Variants in ARMC2 observed in about 807,000 individuals in gnomAD.
ARMC2 encodes armadillo repeat containing 2.
Under a neutral mutation model 90.3 loss-of-function variants are expected in ARMC2, and 67 were observed. The ratio of observed to expected loss-of-function variants is 0.74; its 90% CI spans 0.61 to 0.91. The LOEUF is 0.91. Among genes scored for constraint, ARMC2 ranks in the 40% least tolerant of loss-of-function variants. The probability of loss-of-function intolerance (pLI) is 0.00; values close to 1 mark genes in which losing one functional copy is unlikely to be tolerated. For synonymous variants in ARMC2, 393 were observed against 393.0 expected (o/e 1.00, Z 0.00); for missense variants, 920 against 1,030.9 (o/e 0.89, Z 1.47).
the ARMC2 span, chr6:108,994,698 C>CAT: frequency 2.4e-5 from 7 of 292,740 alleles, no homozygotes; most frequent in Non-Finnish European, 3.9e-5. Flanking sequence ...GAATTTATAT[C>CAT]TTTTTTTTTT....
intron 3 of ARMC2, among the ~76,000 whole-genome samples, chr6:108,862,509 T>A (rs2128422515): frequency 6.6e-6 from 1 of 152,262 alleles, no homozygotes; most frequent in South Asian, 2.1e-4. Flanking sequence ...TAAATAGTAA[T>A]TAAAATTTGG....
chr6:109,025,006 C>T, the ARMC2 span, among the ~76,000 whole-genome samples: 1 of 152,064 alleles, frequency 6.6e-6, no homozygotes, highest in Non-Finnish European at 1.5e-5. Context: ...AGACAGTGAG[C>T]ACTAAGGCTG....
intron 11 of ARMC2, 103 bp from the exon 12 acceptor site, chr6:108,936,797 T>C: frequency 1.1e-6 from 1 of 929,986 alleles, no homozygotes; most frequent in Non-Finnish European, 1.6e-6. Context: ...TTTCTTGAAC[T>C]GGGCAATGTT....
Position 108,971,369 on chromosome 6 carries a change from A to G in ARMC2, c.2447-1988A>G, listed in dbSNP as rs1778753415. On this transcript the variant is annotated intron_variant, in intron 17 of 17. Transcript: ENST00000392644. ...GGTGGGGAGATCCAGGTTTGCTTAC[A>G]GGGTCTCCATGGAGCTCCTTGCCGA... 2.0e-5 allele frequency among the ~76,000 whole-genome samples: 3 copies of G among 152,146 alleles called. No individual in the cohort carries two copies. In the East Asian group the frequency reaches 5.8e-4, roughly 29 times the overall value.
At position 108,953,049 on chromosome 6, in the gene ARMC2, T is replaced by C; in HGVS notation, c.1613T>C (p.Val538Ala). The C allele has an allele frequency of 6.2e-7, 1 of 1,611,014 alleles. No homozygotes were observed. Among genetic ancestry groups the C allele is most frequent in the Non-Finnish European group, 8.5e-7 (1 of 1,178,438 alleles). ...YQKKQDLVVR[V>A]VFILGNLTAK... ...TTATTGCAGGATTTAGTCGTCCGTGTTGTTTTTATTCTTGGCAACCTGACG... is the reference window on the plus strand; with the variant it reads ...TTATTGCAGGATTTAGTCGTCCGTGCTGTTTTTATTCTTGGCAACCTGACG... Residue 538 changes from valine to alanine, a missense_variant, in exon 13 of 18, where the codon GTT (valine) becomes GCT (alanine). Val to Ala is a moderately conservative substitution (Grantham distance 64, BLOSUM62 0). Transcript: ENST00000392644.
chr6:109,034,487 A>G, the ARMC2 span, among the ~76,000 whole-genome samples: 5 of 152,314 alleles, frequency 3.3e-5, no homozygotes, highest in South Asian at 1.0e-3. Flanking sequence ...TTTTCAAGAA[A>G]ATTTACTGAT....
the ARMC2 span, among the ~76,000 whole-genome samples, chr6:109,012,852 C>T: frequency 3.9e-5 from 6 of 152,094 alleles, no homozygotes; most frequent in East Asian, 1.9e-4. Context: ...TGGTGGCTTA[C>T]GCCTGTAATT....
At chr6:109,022,510 C>T in the ARMC2 span, among the ~76,000 whole-genome samples, 1 of 145,898 alleles carries the variant, frequency 6.9e-6, no homozygotes, top group Non-Finnish European at 1.5e-5. Context: ...GCAAGCTCCA[C>T]CTCCCGGGTT....
chr6:108,866,648 T>C (rs538017410), intron 3 of ARMC2, among the ~76,000 whole-genome samples: 2 of 152,290 alleles, frequency 1.3e-5, no homozygotes, highest in East Asian at 3.9e-4. Flanking sequence ...GCTGGGCAGT[T>C]TCAGAGAAGT....
chr6:108,916,915 G>A (rs1043155099), intron 10 of ARMC2, among the ~76,000 whole-genome samples: 2 of 152,078 alleles, frequency 1.3e-5, no homozygotes, highest in Non-Finnish European at 2.9e-5. Context: ...AAATTCTCCC[G>A]GTGTCTCCTT....
the ARMC2 span, among the ~76,000 whole-genome samples, chr6:109,027,696 G>GC: frequency 6.6e-6 from 1 of 152,018 alleles, no homozygotes; most frequent in Admixed American, 6.5e-5. Context: ...GACCAGGGAG[G>GC]CTCCTAACTA....
intron 10 of ARMC2, among the ~76,000 whole-genome samples, chr6:108,916,482 C>G (rs1773984494): frequency 2.0e-5 from 3 of 152,160 alleles, no homozygotes. Flanking sequence ...GTGAATAGCC[C>G]CAGGCTGGCA....
chr6:108,917,988 G>A (rs1774145098), intron 10 of ARMC2, among the ~76,000 whole-genome samples: 1 of 152,110 alleles, frequency 6.6e-6, no homozygotes, highest in Non-Finnish European at 1.5e-5. Context: ...GCCGAAATTA[G>A]CTTGAATATA....
At chr6:109,011,201 A>G in the ARMC2 span, among the ~76,000 whole-genome samples, 2 of 152,252 alleles carry the variant, frequency 1.3e-5, no homozygotes, top group Non-Finnish European at 2.9e-5. Flanking sequence ...GTGGCTTAAA[A>G]TAAGTAAATG....
chr6:109,016,018 A>G, the ARMC2 span, among the ~76,000 whole-genome samples: 1 of 152,220 alleles, frequency 6.6e-6, no homozygotes, highest in Non-Finnish European at 1.5e-5. Flanking sequence ...TCCATTCAAA[A>G]TAGATTAAAA....
chr6:108,945,244 C>G (rs1382488664), intron 12 of ARMC2, among the ~76,000 whole-genome samples: 3 of 152,134 alleles, frequency 2.0e-5, no homozygotes, highest in Non-Finnish European at 4.4e-5. Flanking sequence ...GGAGGCGCCT[C>G]TGACGTCAGT....
intron 1 of ARMC2, among the ~76,000 whole-genome samples, chr6:108,851,351 A>G (rs1447379607): frequency 6.6e-6 from 1 of 152,070 alleles, no homozygotes; most frequent in Admixed American, 6.5e-5. Context: ...CCAATCAGAA[A>G]TCTCTTCTTC....
At chr6:108,936,832 A>T in intron 11 of ARMC2, 68 bp from the exon 12 acceptor site, 1 of 1,254,290 alleles carries the variant, frequency 8.0e-7, no homozygotes, top group Non-Finnish European at 1.1e-6. Context: ...TTAAAGTGAT[A>T]CTATGTGTAC....
At chr6:108,860,619 G>C (rs1042425407) in intron 3 of ARMC2, among the ~76,000 whole-genome samples, 1 of 141,950 alleles carries the variant, frequency 7.0e-6, no homozygotes, top group Non-Finnish European at 1.5e-5. Context: ...CCGAGTTCGC[G>C]CCACTGCACT....
Sources: gnomAD v4.1 joint callset for allele counts (sites outside exome capture counted in the v4.1 genomes callset) on GRCh38, gnomAD v4.1.1 for gene constraint, MANE v1.5 for transcripts, NCBI Gene and HGNC (gene_info 2026-07-23, HGNC 2026-07-21) for gene names.